HSD17B4: variants seen among roughly 807,000 people sequenced by gnomAD.
The protein encoded by HSD17B4 is peroxisomal multifunctional enzyme type 2.
Under a neutral mutation model 101.0 loss-of-function variants are expected in HSD17B4, and 70 were observed. That is an observed-to-expected ratio of 0.69 (90% CI 0.57 to 0.85). The LOEUF is 0.85. Ranked by LOEUF, HSD17B4 falls within the 40% of genes least tolerant of loss-of-function variation. The pLI is 0.00. For synonymous variants in HSD17B4, 347 were observed against 297.1 expected (o/e 1.17, Z -1.73); for missense variants, 984 against 892.4 (o/e 1.10, Z -1.31).
chr5:119,490,375 T>C (rs1264357998), intron 9 of HSD17B4, among the ~76,000 whole-genome samples: 1 of 152,168 alleles, frequency 6.6e-6, no homozygotes, highest in Non-Finnish European at 1.5e-5. Context: ...AAACTATTTA[T>C]CTTTTACAGT....
At chr5:119,507,053 G>C (rs892155616) in intron 15 of HSD17B4, among the ~76,000 whole-genome samples, 164 bp downstream of exon 15, 2 of 152,196 alleles carry the variant, frequency 1.3e-5, no homozygotes, top group African/African-American at 4.8e-5. Context: ...TAAAGAAGGA[G>C]GGGGAGAAGC....
chr5:119,503,301 G>A (rs577503552), intron 14 of HSD17B4, among the ~76,000 whole-genome samples: 6 of 152,060 alleles, frequency 3.9e-5, no homozygotes, highest in Non-Finnish European at 8.8e-5. Flanking sequence ...GAGATTAGAT[G>A]TATACTCCAG....
intron 23 of HSD17B4, among the ~76,000 whole-genome samples, chr5:119,537,583 A>G (rs1754639659): frequency 6.6e-6 from 1 of 152,168 alleles, no homozygotes; most frequent in South Asian, 2.1e-4. Context: ...TACTAATGCA[A>G]AAGAAATAAA....
chr5:119,525,092 A>C (rs1366622375), intron 17 of HSD17B4, 124 bp from the exon 18 acceptor site: 3 of 651,894 alleles, frequency 4.6e-6, no homozygotes, highest in Non-Finnish European at 8.3e-6. Flanking sequence ...TTATTTTTAA[A>C]ATCAGAGCCT....
chr5:119,503,768 A>T (rs1751407831), intron 14 of HSD17B4, among the ~76,000 whole-genome samples: 1 of 151,690 alleles, frequency 6.6e-6, no homozygotes, highest in African/African-American at 2.4e-5. Flanking sequence ...TTTTATATAA[A>T]CTTTATTATT....
rs1561485122 is a variant in HSD17B4 at position 119,525,297 on chromosome 5, T to G, written c.1573+12T>G. 2 of 1,532,988 alleles carry G rather than the reference T, an allele frequency of 1.3e-6. No homozygotes were observed. Among genetic ancestry groups the G allele is most frequent in the African/African-American group, 1.4e-5 (1 of 73,114 alleles). The allele number at this position is 1,532,988 out of a possible 1,614,324, so 95.0% of individuals were successfully genotyped here. ...TGCTAGTCTAGCAGGTGAGTTGTCTTTAATATGTATCAATGAAAAATATTA... is the reference window on the plus strand; with the variant it reads ...TGCTAGTCTAGCAGGTGAGTTGTCTGTAATATGTATCAATGAAAAATATTA... On this transcript the variant is annotated intron_variant, in intron 18 of 23. Transcript: ENST00000510025.
intron 2 of HSD17B4, among the ~76,000 whole-genome samples, chr5:119,459,099 A>G (rs1754959656): frequency 6.6e-6 from 1 of 152,228 alleles, no homozygotes; most frequent in African/African-American, 2.4e-5. Context: ...AATAATGGTA[A>G]AGCTGAGTCT....
chr5:119,494,325 T>TTTTCTTTTCTTTTCTTTC (rs1554064681), intron 11 of HSD17B4, among the ~76,000 whole-genome samples: 1 of 111,524 alleles, frequency 9.0e-6, no homozygotes, highest in Non-Finnish European at 1.9e-5. Context: ...TCTTTCTTTC[T>TTTTCTTTTCTTTTCTTTC]TTTCTTTCTT....
intron 15 of HSD17B4, among the ~76,000 whole-genome samples, chr5:119,507,656 C>T (rs1375666418): frequency 5.3e-5 from 8 of 151,440 alleles, no homozygotes; most frequent in Admixed American, 1.3e-4. Flanking sequence ...TGGTGGCGGG[C>T]GCCTGTAGTC....
chr5:119,537,001 T>C (rs1176362181), intron 23 of HSD17B4, among the ~76,000 whole-genome samples: 1 of 152,130 alleles, frequency 6.6e-6, no homozygotes, highest in East Asian at 1.9e-4. Flanking sequence ...TTAGTTAATA[T>C]TATTATGAAA....
In HSD17B4 at chr5:119,493,891, T is replaced by C. The variant is rs1263497891; in HGVS notation, c.813T>C (p.Ala271=). 1 of 1,613,406 alleles carries C rather than the reference T, an allele frequency of 6.2e-7. No individual in the cohort carries two copies. Among genetic ancestry groups the C allele is most frequent in the Non-Finnish European group, 8.5e-7 (1 of 1,179,498 alleles). Residue 271 remains alanine, a synonymous_variant, in exon 11 of 24, where the codon GCT becomes GCC. Transcript: ENST00000510025. ...CAATGACTCCTGAGGCAGTCAAGGC[T>C]AACTGGAAGAAGATCTGTGACTTTG... ...NHPMTPEAVK[A]NWKKICDFEN... is the part of the protein sequence containing the mutation.
chr5:119,496,706 C>A, intron 12 of HSD17B4, 60 bp downstream of exon 12: 1 of 891,072 alleles, frequency 1.1e-6, no homozygotes, highest in Non-Finnish European at 1.9e-6. Flanking sequence ...TCCCTTCTTC[C>A]CTCCCTGCTT....
chr5:119,492,110 G>A lies in HSD17B4; in HGVS notation c.725G>A (p.Gly242Glu). The change falls in exon 10 of 24, where the codon GGA (glycine) becomes GAA (glutamate). Residue 242 changes from glycine to glutamate, a missense_variant. Gly to Glu is a moderately conservative substitution (Grantham distance 98). Transcript: ENST00000510025. ...ENGGLFEVGAGWIGKLRWERT... is the reference protein window; with the variant it reads ...ENGGLFEVGAEWIGKLRWERT... ...CCCTCTTTTTGGTAGGTTGGAGCAGGATGGATTGGAAAATGTAAGTCTCTC... is the reference window on the plus strand; with the variant it reads ...CCCTCTTTTTGGTAGGTTGGAGCAGAATGGATTGGAAAATGTAAGTCTCTC... 6.2e-7 allele frequency: 1 copy of A among 1,607,690 alleles called. No individual in the cohort carries two copies. The highest frequency in any genetic ancestry group is 1.3e-5 in the African/African-American group (1 of 74,802).
chr5:119,525,141 C>G, intron 17 of HSD17B4, 75 bp from the exon 18 acceptor site: 1 of 950,292 alleles, frequency 1.1e-6, no homozygotes, highest in East Asian at 2.4e-5. Context: ...CAATAACCAG[C>G]CATGTTTCCT....
At chr5:119,477,694 A>G (rs909873057) in intron 7 of HSD17B4, 193 bp downstream of exon 7, 1 of 584,946 alleles carries the variant, frequency 1.7e-6, no homozygotes, top group Non-Finnish European at 3.1e-6. Flanking sequence ...GCTGAGCTGG[A>G]AAGCTTTATA....
At chr5:119,457,923 T>A (rs1381491135) in intron 2 of HSD17B4, among the ~76,000 whole-genome samples, 3 of 152,230 alleles carry the variant, frequency 2.0e-5, no homozygotes, top group Non-Finnish European at 2.9e-5. Context: ...GACTAAGATA[T>A]AAACTTAGTT....
At chr5:119,483,032 A>G (rs536643256) in intron 8 of HSD17B4, among the ~76,000 whole-genome samples, 1 of 152,208 alleles carries the variant, frequency 6.6e-6, no homozygotes, top group African/African-American at 2.4e-5. Flanking sequence ...GCAGGCCTTA[A>G]GTAGAACAGA....
intron 2 of HSD17B4, among the ~76,000 whole-genome samples, chr5:119,466,382 A>G (rs1006897388): frequency 9.9e-5 from 15 of 152,194 alleles, no homozygotes; most frequent in African/African-American, 3.1e-4. Flanking sequence ...TTTGAGAGGA[A>G]TTTGTATTAG....
At position 119,542,050 on chromosome 5, in the gene HSD17B4, A is replaced by C; in HGVS notation, c.*56A>C. On this transcript the variant is annotated 3_prime_UTR_variant, in exon 24 of 24. Coordinates refer to ENST00000510025, the MANE Select transcript of HSD17B4 (RefSeq NM_000414.4). ...ATCATTAAATACTCTCTTCACCCAA[A>C]TATGCTTGATTATTCTGCAAAAGTG... 1 of 1,147,830 alleles carries C rather than the reference A, an allele frequency of 8.7e-7. No individual in the cohort carries two copies. The highest frequency in any genetic ancestry group is 1.3e-6 in the Non-Finnish European group (1 of 760,036). The allele number at this position is 1,147,830 out of a possible 1,614,324, so 71.1% of individuals were successfully genotyped here. A position where few individuals can be genotyped will look rare whatever the true frequency, so the allele number is the denominator to read the frequency against.
Sources: gnomAD v4.1 joint callset for allele counts (sites outside exome capture counted in the v4.1 genomes callset) on GRCh38, gnomAD v4.1.1 for gene constraint, MANE v1.5 for transcripts, NCBI Gene and HGNC (gene_info 2026-07-23, HGNC 2026-07-21) for gene names.